VIT: variants seen among roughly 807,000 people sequenced by gnomAD.
VIT encodes the protein vitrin.
Under a neutral mutation model 78.0 loss-of-function variants are expected in VIT, and 99 were observed. The observed-to-expected ratio is 1.27, with a 90% CI of 1.08 to 1.50. The LOEUF (loss-of-function observed/expected upper bound fraction) is 1.50. Ranked by LOEUF, VIT falls within the 40% of genes most tolerant of loss-of-function variation. The pLI is 0.00. For missense variants in VIT, 1,126 were observed against 875.3 expected (o/e 1.29, Z -3.61); for synonymous variants, 374 against 334.3 (o/e 1.12, Z -1.29).
chr2:36,809,022 T>C (rs1338621403), intron 15 of VIT, 37 bp downstream of exon 15: 57 of 1,530,868 alleles, frequency 3.7e-5, no homozygotes, highest in Non-Finnish European at 4.9e-5. Flanking sequence ...GTGCTGAGGC[T>C]GCTTTCTGGG....
At position 36,808,874 on chromosome 2, in the gene VIT, G is replaced by C. The variant is rs750792216; in HGVS notation, c.1792G>C (p.Glu598Gln). ...GGGGGCTGCCATCAACTTCGCCCTGGAGCAGCTCTTCAAGAAGTCCAAGCC... is the reference window on the plus strand; with the variant it reads ...GGGGGCTGCCATCAACTTCGCCCTGCAGCAGCTCTTCAAGAAGTCCAAGCC... ...STGAAINFAL[E>Q]QLFKKSKPNK... Residue 598 changes from glutamate (E) to glutamine (Q), a missense_variant, in exon 15 of 16, where the codon GAG becomes CAG. By Grantham distance (29) the Glu-to-Gln change is conservative. Transcript: ENST00000379242. 1 of 1,614,152 alleles carries C rather than the reference G, an allele frequency of 6.2e-7. No homozygotes were observed. The highest frequency in any genetic ancestry group is 1.7e-5 in the Admixed American group (1 of 60,026).
intron 2 of VIT, among the ~76,000 whole-genome samples, chr2:36,720,458 G>A (rs994844694): frequency 1.3e-5 from 2 of 152,138 alleles, no homozygotes; most frequent in Non-Finnish European, 2.9e-5. Flanking sequence ...ATGTAATTGG[G>A]CCCTTAGCTC....
chr2:36,699,626 GTAGATAGATAGATAGA>G (rs10530448), intron 1 of VIT, among the ~76,000 whole-genome samples: 1 of 141,886 alleles, frequency 7.0e-6, no homozygotes, highest in Non-Finnish European at 1.5e-5. Context: ...AGATATATAG[GTAGATAGATAGATAGA>G]TAGATAGATA....
intron 6 of VIT, among the ~76,000 whole-genome samples, chr2:36,765,976 G>A (rs1173119922): frequency 1.3e-5 from 2 of 152,242 alleles, no homozygotes; most frequent in Non-Finnish European, 2.9e-5. Flanking sequence ...GCAGGCACAA[G>A]CAACAGTGGG....
intron 6 of VIT, among the ~76,000 whole-genome samples, chr2:36,766,831 G>C (rs1669459474): frequency 6.6e-6 from 1 of 152,142 alleles, no homozygotes; most frequent in South Asian, 2.1e-4. Context: ...ATCATGTTCT[G>C]CCTTGTCTAT....
chr2:36,716,866 A>ATT, intron 2 of VIT, among the ~76,000 whole-genome samples: 1 of 109,436 alleles, frequency 9.1e-6, no homozygotes, highest in Non-Finnish European at 1.9e-5. Context: ...TTTAGAGATG[A>ATT]TTCTTTTTTT....
chr2:36,759,315 GTTT>G (rs1346519159), intron 6 of VIT: 4 of 1,440,592 alleles, frequency 2.8e-6, no homozygotes, highest in Admixed American at 2.8e-5. Flanking sequence ...GTTGCCTTGA[GTTT>G]TAATGTATTG....
chr2:36,803,678 G>A (rs1284138258), intron 13 of VIT, among the ~76,000 whole-genome samples: 2 of 152,208 alleles, frequency 1.3e-5, no homozygotes, highest in African/African-American at 4.8e-5. Context: ...ATCTGTATAT[G>A]TAACCATTTG....
At chr2:36,794,760 C>T (rs914479752) in intron 12 of VIT, among the ~76,000 whole-genome samples, 2 of 152,090 alleles carry the variant, frequency 1.3e-5, no homozygotes, top group African/African-American at 4.8e-5. Flanking sequence ...GTCCTCTGAT[C>T]CAACCTTTCG....
At chr2:36,774,476 G>A (rs1669936290) in intron 8 of VIT, 1 of 983,066 alleles carries the variant, frequency 1.0e-6, no homozygotes, top group African/African-American at 1.7e-5. Context: ...TGATAGACTT[G>A]GTGGAAGTAT....
Position 36,729,425 on chromosome 2 carries a change from G to C in VIT, c.53-1G>C. The stretch of plus-strand genomic sequence containing the variant: ...AATTTTTAAAAATTTTCTTCATGTA[G>C]TTTTGCTGGTGACTGGAGTACATTC... On this transcript the variant is annotated splice_acceptor_variant, in intron 2 of 15. Coordinates refer to ENST00000379242, the MANE Select transcript of VIT (RefSeq NM_053276.4). LOFTEE classifies it high-confidence loss of function. The C allele has an allele frequency of 6.3e-7, 1 of 1,596,574 alleles. No homozygotes were observed. The highest frequency in any genetic ancestry group is 8.5e-7 in the Non-Finnish European group (1 of 1,174,218).
Position 36,801,097 on chromosome 2 carries a change from GCA to G in VIT, c.1059-201_1059-200del, listed in dbSNP as rs549497288. ...CTCAAGATCACACAGCCAGGAAATG[GCA>G]CAGTCAACACACGCCTTCTGAGCCT... On this transcript the variant is annotated intron_variant, in intron 12 of 15. Transcript: ENST00000379242. Among the ~76,000 whole-genome samples, 440 of 152,236 alleles carry G rather than the reference GCA, an allele frequency of 2.9e-3. 5 individuals carry two copies. Among genetic ancestry groups the G allele is most frequent in the Non-Finnish European group, 3.4e-3 (230 of 68,004 alleles).
intron 3 of VIT, among the ~76,000 whole-genome samples, chr2:36,740,037 G>A (rs1667744110): frequency 1.3e-5 from 2 of 152,344 alleles, no homozygotes; most frequent in South Asian, 2.1e-4. Flanking sequence ...TTTGCCAAAT[G>A]TCTTCCCGCT....
At chr2:36,703,957 A>C (rs111411355) in intron 1 of VIT, among the ~76,000 whole-genome samples, 1 of 133,774 alleles carries the variant, frequency 7.5e-6, no homozygotes, top group African/African-American at 2.8e-5. Flanking sequence ...TTGGAGACTC[A>C]CTCTGTCGCC....
At chr2:36,810,416 G>A (rs1032853886) in intron 15 of VIT, among the ~76,000 whole-genome samples, 1 of 152,208 alleles carries the variant, frequency 6.6e-6, no homozygotes, top group Non-Finnish European at 1.5e-5. Flanking sequence ...CCACGTTTAT[G>A]CCTTTATTGC....
At position 36,784,937 on chromosome 2, in the gene VIT, G is replaced by A. The variant is rs140561523; in HGVS notation, c.910+1535G>A. Among the ~76,000 whole-genome samples the A allele has an allele frequency of 2.0e-5, 3 of 152,364 alleles. No homozygotes were observed. In the East Asian group the frequency reaches 5.8e-4, roughly 29 times the overall value. Reference sequence around the variant, plus strand: ...AACCGTGGTATCAGCCATCAGGCCAGTGAGTAAAGAGAATTAAGCAAATAG... The same window carrying A: ...AACCGTGGTATCAGCCATCAGGCCAATGAGTAAAGAGAATTAAGCAAATAG... On this transcript the variant is annotated intron_variant, in intron 11 of 15. Transcript: ENST00000379242.
At chr2:36,789,190 C>T (rs552372507) in intron 12 of VIT, among the ~76,000 whole-genome samples, 9 of 152,222 alleles carry the variant, frequency 5.9e-5, no homozygotes, top group Non-Finnish European at 7.4e-5. Context: ...CGCAATGCAC[C>T]GCTGACAGGT....
chr2:36,759,136 A>G, intron 6 of VIT, 90 bp downstream of exon 6: 1 of 1,612,464 alleles, frequency 6.2e-7, no homozygotes, highest in Middle Eastern at 1.7e-4. Flanking sequence ...TAACATCTTA[A>G]CCGGTCAAGC....
chr2:36,762,087 A>C (rs74446745), intron 6 of VIT, among the ~76,000 whole-genome samples: 2,150 of 152,280 alleles, frequency 0.014, 57 homozygotes, highest in African/African-American at 0.049. Flanking sequence ...GGATAATAAA[A>C]GTCTACTTGG....
Sources: allele counts gnomAD v4.1 joint callset (sites outside exome capture counted in the v4.1 genomes callset), GRCh38; gene constraint gnomAD v4.1.1; transcripts MANE v1.5; gene names NCBI Gene and HGNC (gene_info 2026-07-23, HGNC 2026-07-21).